Variants in JMJD1C observed in about 807,000 individuals in gnomAD.
JMJD1C encodes jumonji domain-containing protein 1C.
A neutral mutation model predicts 245.3 loss-of-function variants in JMJD1C; 31 were observed. The ratio of observed to expected loss-of-function variants is 0.13; its 90% confidence interval spans 0.09 to 0.17. The LOEUF is 0.17. Among genes scored for constraint, JMJD1C ranks in the 10% least tolerant of loss-of-function variants. The pLI, the probability that JMJD1C is intolerant of heterozygous loss-of-function variation, is 1.00. For synonymous variants in JMJD1C, 1,057 were observed against 1,017.4 expected (o/e 1.04, Z -0.74); for missense variants, 2,691 against 3,000.2 (o/e 0.90, Z 2.41).
chr10:63,470,504 A>G (rs946071880), upstream of JMJD1C, among the ~76,000 whole-genome samples: 2 of 152,204 alleles, frequency 1.3e-5, no homozygotes, highest in Non-Finnish European at 2.9e-5. Flanking sequence ...GAAAATTTCT[A>G]AAGAACAGAT....
At chr10:63,316,040 C>T (rs1940004779) in intron 2 of JMJD1C, among the ~76,000 whole-genome samples, 1 of 151,952 alleles carries the variant, frequency 6.6e-6, no homozygotes. Flanking sequence ...CATGATGGTG[C>T]ACACCTGTAG....
At chr10:63,507,042 C>T (rs994156710) in intron 1 of JMJD1C, among the ~76,000 whole-genome samples, 3 of 152,122 alleles carry the variant, frequency 2.0e-5, no homozygotes, top group Non-Finnish European at 4.4e-5. Flanking sequence ...TTCAGGTTGG[C>T]TTCACTTACT....
intron 2 of JMJD1C, among the ~76,000 whole-genome samples, chr10:63,305,459 C>CTCTCTCTCTCTCTCT (rs1937978126): frequency 4.5e-4 from 51 of 113,086 alleles, no homozygotes; most frequent in African/African-American, 7.8e-4. Flanking sequence ...ACGCTCTGAC[C>CTCTCTCTCTCTCTCT]CTCTCTCTCT....
chr10:63,197,831 T>C (rs35997229), intron 12 of JMJD1C, among the ~76,000 whole-genome samples: 3,984 of 152,316 alleles, frequency 0.026, 69 homozygotes, highest in Non-Finnish European at 0.044. Context: ...GAATAATTCT[T>C]TGTTGGGAGG....
intron 1 of JMJD1C, among the ~76,000 whole-genome samples, chr10:63,404,880 G>A (rs892563550): frequency 6.6e-6 from 1 of 152,134 alleles, no homozygotes; most frequent in Non-Finnish European, 1.5e-5. Context: ...GGGGTGAAAA[G>A]AAATAGCAAC....
rs141238678 is a variant in JMJD1C at position 63,229,595 on chromosome 10, T to C, written c.448-9612A>G. Among the ~76,000 whole-genome samples, 400 of 152,208 alleles carry C rather than the reference T, an allele frequency of 2.6e-3. 1 individual carries two copies. The highest frequency in any genetic ancestry group is 9.2e-3 in the African/African-American group (382 of 41,524). On this transcript the variant is annotated intron_variant, in intron 3 of 25. Coordinates refer to ENST00000399262, the MANE Select transcript of JMJD1C (RefSeq NM_032776.3). ...AGACAAATTTAGTTTCTGAATAGAA[T>C]TGATGAAAGGAGTAAATATAATAAA...
At chr10:63,382,465 T>C (rs1024159976) in intron 1 of JMJD1C, among the ~76,000 whole-genome samples, 3 of 152,202 alleles carry the variant, frequency 2.0e-5, no homozygotes, top group East Asian at 1.9e-4. Context: ...TCTTTAATGA[T>C]GCAGAAAAAG....
At chr10:63,396,236 T>C (rs985285837) in intron 1 of JMJD1C, among the ~76,000 whole-genome samples, 2 of 152,130 alleles carry the variant, frequency 1.3e-5, no homozygotes, top group African/African-American at 4.8e-5. Context: ...CTCACGTGCC[T>C]TTTATGTTAA....
intron 19 of JMJD1C, 73 bp downstream of exon 19, chr10:63,186,142 G>C (rs1000202581): frequency 5.0e-6 from 6 of 1,193,130 alleles, no homozygotes; most frequent in Non-Finnish European, 6.0e-6. Context: ...CTAAAAATCT[G>C]TTAAGTTACA....
chr10:63,286,894 G>T (rs1471756178), intron 2 of JMJD1C, among the ~76,000 whole-genome samples: 1 of 152,112 alleles, frequency 6.6e-6, no homozygotes, highest in Non-Finnish European at 1.5e-5. Context: ...TAAAAAAGAT[G>T]AAGATTCAAT....
At chr10:63,443,500 A>T (rs1263142244) in intron 1 of JMJD1C, among the ~76,000 whole-genome samples, 1 of 152,062 alleles carries the variant, frequency 6.6e-6, no homozygotes, top group Non-Finnish European at 1.5e-5. Flanking sequence ...TTGTAGAAAC[A>T]GGGTTTTGCT....
chr10:63,258,447 A>T (rs1854260006), intron 3 of JMJD1C, among the ~76,000 whole-genome samples: 1 of 152,198 alleles, frequency 6.6e-6, no homozygotes, highest in Non-Finnish European at 1.5e-5. Context: ...AACTGTGCTT[A>T]GTGATCTTTT....
At chr10:63,460,806 C>G (rs1414049188) in intron 1 of JMJD1C, among the ~76,000 whole-genome samples, 3 of 152,084 alleles carry the variant, frequency 2.0e-5, no homozygotes, top group African/African-American at 7.2e-5. Flanking sequence ...TTTTTACTTT[C>G]ACATGCAATA....
At chr10:63,183,768 T>A (rs1194525685) in intron 21 of JMJD1C, among the ~76,000 whole-genome samples, 199 bp from the exon 22 acceptor site, 2 of 152,180 alleles carry the variant, frequency 1.3e-5, no homozygotes, top group Non-Finnish European at 2.9e-5. Flanking sequence ...TATAATAAAA[T>A]GTACTATGAT....
intron 1 of JMJD1C, among the ~76,000 whole-genome samples, chr10:63,386,284 C>G (rs887880347): frequency 2.6e-5 from 4 of 152,288 alleles, no homozygotes; most frequent in Middle Eastern, 6.8e-3. Flanking sequence ...AGGGTCAACA[C>G]CCTAGCAAAG....
chr10:63,345,705 G>GT (rs1034400848), intron 2 of JMJD1C, among the ~76,000 whole-genome samples: 3 of 152,122 alleles, frequency 2.0e-5, no homozygotes, highest in African/African-American at 7.2e-5. Flanking sequence ...AATTTTTAAG[G>GT]TAAGAGAACT....
intron 3 of JMJD1C, among the ~76,000 whole-genome samples, chr10:63,245,985 A>AATCACAGAATCAGTGAGCTCAC (rs1190417147): frequency 6.6e-6 from 1 of 152,188 alleles, no homozygotes; most frequent in Non-Finnish European, 1.5e-5. Context: ...GAAGAGAGGA[A>AATCACAGAATCAGTGAGCTCAC]AGAATCAGTG....
chr10:63,217,375 T>C (rs770642298), intron 4 of JMJD1C, 44 bp from the exon 5 acceptor site: 2 of 1,478,262 alleles, frequency 1.4e-6, no homozygotes, highest in African/African-American at 1.4e-5. Flanking sequence ...AATGGAGACA[T>C]CTTCATTTAA....
intron 3 of JMJD1C, among the ~76,000 whole-genome samples, chr10:63,224,051 A>G (rs1273267175): frequency 6.6e-6 from 1 of 152,246 alleles, no homozygotes; most frequent in East Asian, 1.9e-4. Context: ...CCAGCCTTAT[A>G]AATATTTTTT....
Sources: allele counts gnomAD v4.1 joint callset (sites outside exome capture counted in the v4.1 genomes callset), GRCh38; gene constraint gnomAD v4.1.1; transcripts MANE v1.5; gene names NCBI Gene and HGNC (gene_info 2026-07-23, HGNC 2026-07-21).